SLC24A3: variants seen among roughly 807,000 people sequenced by gnomAD.
The protein encoded by SLC24A3 is solute carrier family 24 member 3.
SLC24A3 carries 28 observed loss-of-function variants against 75.8 expected under a neutral mutation model. The ratio of observed to expected loss-of-function variants is 0.37; its 90% CI spans 0.27 to 0.51. SLC24A3 has a LOEUF of 0.51. Ranked by LOEUF, SLC24A3 falls within the 20% of genes least tolerant of loss-of-function variation. SLC24A3 has a pLI of 0.94. For synonymous variants in SLC24A3, 372 were observed against 334.1 expected, an observed-to-expected ratio of 1.11 and a Z score of -1.24; for missense variants, 663 against 847.8, an observed-to-expected ratio of 0.78 and a Z score of 2.71.
chr20:19,275,184 C>G (rs376150287), intron 1 of SLC24A3, among the ~76,000 whole-genome samples: 3 of 152,306 alleles, frequency 2.0e-5, no homozygotes, highest in Non-Finnish European at 4.4e-5. Context: ...TGCTATGCCC[C>G]TAAGGCCACT....
intron 2 of SLC24A3, among the ~76,000 whole-genome samples, chr20:19,443,008 T>A (rs963666830): frequency 6.6e-6 from 1 of 152,232 alleles, no homozygotes; most frequent in African/African-American, 2.4e-5. Context: ...TATGTTTGCA[T>A]GGGTCTATTT....
chr20:19,667,987 A>T (rs973974404), intron 8 of SLC24A3, among the ~76,000 whole-genome samples: 2 of 152,182 alleles, frequency 1.3e-5, no homozygotes, highest in South Asian at 2.1e-4. Context: ...AGGGCCATGG[A>T]TACATGAGTT....
chr20:19,430,774 GCA>G (rs138066072), intron 2 of SLC24A3, among the ~76,000 whole-genome samples: 3,379 of 150,038 alleles, frequency 0.023, 103 homozygotes, highest in African/African-American at 0.073. Flanking sequence ...TTGCATGCAT[GCA>G]CACACACACA....
At chr20:19,557,238 C>A (rs1431461123) in intron 3 of SLC24A3, among the ~76,000 whole-genome samples, 1 of 152,156 alleles carries the variant, frequency 6.6e-6, no homozygotes, top group Non-Finnish European at 1.5e-5. Context: ...AAATCCTCTC[C>A]CAATTATCAG....
At chr20:19,592,702 C>G (rs1296767417) in intron 6 of SLC24A3, among the ~76,000 whole-genome samples, 2 of 151,982 alleles carry the variant, frequency 1.3e-5, no homozygotes, top group African/African-American at 4.8e-5. Context: ...TCTTGAAACT[C>G]ACTTCCAAGG....
At chr20:19,233,665 T>C (rs1982087696) in intron 1 of SLC24A3, among the ~76,000 whole-genome samples, 1 of 152,236 alleles carries the variant, frequency 6.6e-6, no homozygotes, top group Non-Finnish European at 1.5e-5. Flanking sequence ...TGATCTTTAT[T>C]TTCTGCTATG....
At chr20:19,654,894 G>A (rs865840776) in intron 7 of SLC24A3, among the ~76,000 whole-genome samples, 11 of 151,942 alleles carry the variant, frequency 7.2e-5, no homozygotes, top group South Asian at 2.1e-4. Context: ...TGATCTGCCC[G>A]TCTCAGCCTC....
chr20:19,720,940 A>G (rs373956277), intron 16 of SLC24A3, 51 bp from the exon 17 acceptor site: 366 of 1,603,594 alleles, frequency 2.3e-4, no homozygotes, highest in Admixed American at 4.6e-4. Context: ...CAACCCCCCA[A>G]AGGCTGCTGC....
At chr20:19,521,680 G>A (rs1240881009) in intron 3 of SLC24A3, among the ~76,000 whole-genome samples, 1 of 152,182 alleles carries the variant, frequency 6.6e-6, no homozygotes, top group African/African-American at 2.4e-5. Flanking sequence ...GGGGCCTGAG[G>A]TTCTTCCAGT....
intron 2 of SLC24A3, among the ~76,000 whole-genome samples, chr20:19,309,567 T>C (rs1228515041): frequency 6.6e-6 from 1 of 152,078 alleles, no homozygotes; most frequent in Non-Finnish European, 1.5e-5. Flanking sequence ...CTATGCACAC[T>C]GAATTTTGGA....
intron 2 of SLC24A3, among the ~76,000 whole-genome samples, chr20:19,334,686 T>C (rs1490209885): frequency 6.6e-6 from 1 of 152,218 alleles, no homozygotes; most frequent in Non-Finnish European, 1.5e-5. Flanking sequence ...AGGTGATTGC[T>C]GTGGGCAGCT....
intron 3 of SLC24A3, among the ~76,000 whole-genome samples, chr20:19,540,285 G>A (rs1015448294): frequency 2.6e-5 from 4 of 152,232 alleles, no homozygotes; most frequent in Admixed American, 1.3e-4. Flanking sequence ...CTTGACTCCA[G>A]AACTTGTGTT....
intron 1 of SLC24A3, 176 bp downstream of exon 1, chr20:19,213,160 A>G: frequency 2.9e-6 from 2 of 690,452 alleles, no homozygotes; most frequent in East Asian, 4.1e-5. Context: ...ACGCAGAGGC[A>G]TGGAGGTGGG....
intron 3 of SLC24A3, among the ~76,000 whole-genome samples, chr20:19,559,648 A>C (rs566828048): frequency 6.6e-6 from 1 of 152,100 alleles, no homozygotes; most frequent in African/African-American, 2.4e-5. Flanking sequence ...CTTTCCTTTT[A>C]GTTTCTCTAC....
At chr20:19,478,899 G>A (rs1988004928) in intron 2 of SLC24A3, among the ~76,000 whole-genome samples, 1 of 152,248 alleles carries the variant, frequency 6.6e-6, no homozygotes, top group Non-Finnish European at 1.5e-5. Flanking sequence ...ATCAACTCCT[G>A]TTGACTGAAC....
intron 2 of SLC24A3, among the ~76,000 whole-genome samples, chr20:19,286,303 A>T (rs1397100490): frequency 6.6e-6 from 1 of 152,108 alleles, no homozygotes; most frequent in African/African-American, 2.4e-5. Flanking sequence ...TCTATATGAG[A>T]GAAGCAACAG....
At chr20:19,551,408 G>A (rs2030691475) in intron 3 of SLC24A3, among the ~76,000 whole-genome samples, 1 of 152,132 alleles carries the variant, frequency 6.6e-6, no homozygotes, top group African/African-American at 2.4e-5. Context: ...GGAGAAGCAG[G>A]TATTAAAAAG....
At chr20:19,310,302 C>T (rs1473983149) in intron 2 of SLC24A3, among the ~76,000 whole-genome samples, 1 of 152,318 alleles carries the variant, frequency 6.6e-6, no homozygotes, top group South Asian at 2.1e-4. Context: ...GCTCAGCCCC[C>T]ACCAGGAAAA....
chr20:19,667,817 T>TTCATTA (rs990181133), intron 8 of SLC24A3, among the ~76,000 whole-genome samples: 2 of 152,190 alleles, frequency 1.3e-5, no homozygotes, highest in African/African-American at 4.8e-5. Flanking sequence ...CTATTTCATC[T>TTCATTA]TCATTCCTAA....
Sources: gnomAD v4.1 joint callset for allele counts (sites outside exome capture counted in the v4.1 genomes callset) on GRCh38, gnomAD v4.1.1 for gene constraint, MANE v1.5 for transcripts, NCBI Gene and HGNC (gene_info 2026-07-23, HGNC 2026-07-21) for gene names.